MAN2A1: variants seen among roughly 807,000 people sequenced by gnomAD.
The protein encoded by MAN2A1 is alpha-mannosidase 2.
MAN2A1 carries 76 observed loss-of-function variants against 142.6 expected under a neutral mutation model. That is an observed-to-expected ratio of 0.53 (90% confidence interval 0.44 to 0.65). The LOEUF (loss-of-function observed/expected upper bound fraction) is 0.65, where lower values mean the gene tolerates loss of function less well. MAN2A1 is among the 30% of genes least tolerant of loss of function. The pLI, the probability that MAN2A1 is intolerant of heterozygous loss-of-function variation, is 0.00. For synonymous variants in MAN2A1, 559 were observed against 473.2 expected (o/e 1.18, Z -2.35); for missense variants, 1,311 against 1,365.1 (o/e 0.96, Z 0.62).
At chr5:109,765,996 G>C (rs1752978961) in intron 5 of MAN2A1, among the ~76,000 whole-genome samples, 1 of 152,038 alleles carries the variant, frequency 6.6e-6, no homozygotes, top group African/African-American at 2.4e-5. Flanking sequence ...TAGAGGCCAA[G>C]ATGTGAGAGC....
chr5:109,792,698 T>A (rs1302103599), intron 12 of MAN2A1, among the ~76,000 whole-genome samples: 3 of 151,996 alleles, frequency 2.0e-5, no homozygotes, highest in Non-Finnish European at 4.4e-5. Flanking sequence ...TGCAGGCAAT[T>A]GGAGATTGGG....
intron 4 of MAN2A1, among the ~76,000 whole-genome samples, chr5:109,741,483 T>A (rs917184730): frequency 6.6e-6 from 1 of 152,212 alleles, no homozygotes; most frequent in African/African-American, 2.4e-5. Context: ...TTTGTGTGAC[T>A]TCTAGTGTAA....
chr5:109,854,352 T>G (rs1240979408), intron 19 of MAN2A1: 2 of 152,190 alleles, frequency 1.3e-5, no homozygotes, highest in Non-Finnish European at 2.9e-5. Flanking sequence ...ATTTAATGTT[T>G]GAACATACAG....
chr5:109,732,308 A>G (rs1751938508), intron 4 of MAN2A1, among the ~76,000 whole-genome samples: 1 of 151,684 alleles, frequency 6.6e-6, no homozygotes, highest in Non-Finnish European at 1.5e-5. Flanking sequence ...CCCATTTTGT[A>G]GGTTGCCTGT....
At chr5:109,792,918 A>T (rs1753771066) in intron 12 of MAN2A1, among the ~76,000 whole-genome samples, 1 of 152,056 alleles carries the variant, frequency 6.6e-6, no homozygotes, top group African/African-American at 2.4e-5. Context: ...CTCAAAAGTG[A>T]GTTTTCTGGG....
At chr5:109,784,623 T>C in intron 9 of MAN2A1, 121 bp from the exon 10 acceptor site, 1 of 677,486 alleles carries the variant, frequency 1.5e-6, no homozygotes, top group Non-Finnish European at 2.4e-6. Flanking sequence ...AATATCTTTT[T>C]CATAAATTGC....
At chr5:109,761,545 A>G (rs896112210) in intron 5 of MAN2A1, among the ~76,000 whole-genome samples, 1 of 152,050 alleles carries the variant, frequency 6.6e-6, no homozygotes, top group Non-Finnish European at 1.5e-5. Flanking sequence ...TCCTGGAATA[A>G]ATCCCTTTTG....
intron 18 of MAN2A1, among the ~76,000 whole-genome samples, chr5:109,847,218 C>T (rs17162347): frequency 0.17 from 25,865 of 151,990 alleles, 3,190 homozygotes; most frequent in East Asian, 0.64. Flanking sequence ...AGACTCAAGC[C>T]GTGGTTAACA....
rs200949606 is a variant in MAN2A1, at chr5:109,732,743, C to T, written c.707+3230C>T. Among the ~76,000 whole-genome samples the T allele has an allele frequency of 2.6e-5, 4 of 152,152 alleles. No homozygotes were observed. The East Asian group carries it at 7.7e-4, about 29-fold the overall frequency. ...GTATATCTCTGTTCTGGTACCAGTCCCATGCTGTTTTGGTTACTGTAGCCT... is the reference window on the plus strand; with the variant it reads ...GTATATCTCTGTTCTGGTACCAGTCTCATGCTGTTTTGGTTACTGTAGCCT... On this transcript the variant is annotated intron_variant, in intron 4 of 21. Transcript: ENST00000261483.
At chr5:109,818,883 A>C (rs1311382384) in intron 13 of MAN2A1, among the ~76,000 whole-genome samples, 3 of 152,202 alleles carry the variant, frequency 2.0e-5, no homozygotes, top group African/African-American at 7.2e-5. Context: ...TTTATAGAAT[A>C]TTGTTACACA....
At chr5:109,796,184 A>T (rs936074492) in intron 12 of MAN2A1, among the ~76,000 whole-genome samples, 4 of 152,324 alleles carry the variant, frequency 2.6e-5, no homozygotes, top group African/African-American at 9.6e-5. Context: ...AAGAAATCAT[A>T]AAAATATAGA....
intron 16 of MAN2A1, among the ~76,000 whole-genome samples, chr5:109,838,875 A>AT (rs1379028177): frequency 6.6e-6 from 1 of 152,158 alleles, no homozygotes; most frequent in Non-Finnish European, 1.5e-5. Context: ...GAGAAAGATG[A>AT]TTTTCTCAAC....
chr5:109,800,500 G>A (rs1753992861), intron 12 of MAN2A1, among the ~76,000 whole-genome samples: 1 of 152,206 alleles, frequency 6.6e-6, no homozygotes, highest in African/African-American at 2.4e-5. Context: ...AGATATGGAG[G>A]TGGAGAGAAC....
intron 12 of MAN2A1, among the ~76,000 whole-genome samples, chr5:109,806,085 G>C (rs1754156378): frequency 6.6e-6 from 1 of 152,180 alleles, no homozygotes; most frequent in South Asian, 2.1e-4. Flanking sequence ...TTGGAGTGAA[G>C]GTTCTCTGCT....
chr5:109,808,900 G>A (rs536146797), intron 12 of MAN2A1, among the ~76,000 whole-genome samples: 4 of 151,706 alleles, frequency 2.6e-5, no homozygotes, highest in East Asian at 1.9e-4. Flanking sequence ...ACAGGATGTC[G>A]CCATGTTTGC....
In MAN2A1 at chr5:109,761,166, T is replaced by G. The variant is rs544780785; in HGVS notation, c.835+5710T>G. 8.7e-4 allele frequency among the ~76,000 whole-genome samples: 132 copies of G among 150,910 alleles called. 1 individual carries two copies. The highest frequency in any genetic ancestry group is 4.0e-4 in the Non-Finnish European group (27 of 67,622). On this transcript the variant is annotated intron_variant, in intron 5 of 21. Transcript: ENST00000261483. ...TATATAATTTCTTATTAGTTATAAA[T>G]ATGTAATAAAATCATAAAATGAAAA...
chr5:109,755,302 T>C, intron 4 of MAN2A1, 27 bp from the exon 5 acceptor site: 3 of 1,570,380 alleles, frequency 1.9e-6, no homozygotes, highest in African/African-American at 2.7e-5. Context: ...CATTTATTAA[T>C]GTAGACTCTT....
rs370994238 is a variant in MAN2A1 at position 109,840,638 on chromosome 5, C to T, written c.2567-1690C>T. ...TGAAGGAGTCTCAGATTCCCTGGGA[C>T]GTTTAAACACATTTTCAGGTTCTAC... On this transcript the variant is annotated intron_variant, in intron 16 of 21. Coordinates refer to ENST00000261483, the MANE Select transcript of MAN2A1 (RefSeq NM_002372.4). 3.1e-3 allele frequency: 1,414 copies of T among 461,856 alleles called. 24 individuals are homozygous for T. The highest frequency in any genetic ancestry group is 0.022 in the South Asian group (1,356 of 61,708). 28.6% of individuals were successfully genotyped at this position (461,856 alleles called of 1,614,324 possible). A position where few individuals can be genotyped will look rare whatever the true frequency, so the allele number is the denominator to read the frequency against.
chr5:109,701,672 G>A (rs181230033), intron 1 of MAN2A1, among the ~76,000 whole-genome samples: 83 of 152,264 alleles, frequency 5.5e-4, no homozygotes, highest in African/African-American at 1.9e-3. Flanking sequence ...ATAGACATAA[G>A]GCAGTAAATC....
Sources: gnomAD v4.1 joint callset for allele counts (sites outside exome capture counted in the v4.1 genomes callset) on GRCh38, gnomAD v4.1.1 for gene constraint, MANE v1.5 for transcripts, NCBI Gene and HGNC (gene_info 2026-07-23, HGNC 2026-07-21) for gene names.